The following GBF1 variants were observed in gnomAD, a reference collection of about 807,000 sequenced individuals.
GBF1 encodes the protein Golgi-specific brefeldin A-resistance guanine nucleotide exchange factor 1.
Under a neutral mutation model 210.5 loss-of-function variants are expected in GBF1, and 114 were observed. That is an observed-to-expected ratio of 0.54 (90% CI 0.47 to 0.63). The LOEUF (loss-of-function observed/expected upper bound fraction) is 0.63. GBF1 is among the 30% of genes least tolerant of loss of function. The pLI, the probability that GBF1 is intolerant of heterozygous loss-of-function variation, is 0.00. For missense variants in GBF1, 1,851 were observed against 2,357.7 expected, an observed-to-expected ratio of 0.79 and a Z score of 4.45; for synonymous variants, 850 against 889.2, an observed-to-expected ratio of 0.96 and a Z score of 0.78.
rs563248444 is a variant in GBF1 at position 102,367,695 on chromosome 10, C to A, written c.2642+135C>A. On this transcript the variant is annotated intron_variant, in intron 21 of 39. Coordinates refer to ENST00000369983, the MANE Select transcript of GBF1 (RefSeq NM_001377137.1). The stretch of plus-strand genomic sequence containing the variant: ...TTAGCCTCAGGACTTAGTTGGGCAG[C>A]CCCCTCTCTGCCAACTGTTTCTTCC... 2.9e-4 allele frequency: 194 copies of A among 665,088 alleles called. 1 individual carries two copies. Among genetic ancestry groups the A allele is most frequent in the Middle Eastern group, 7.0e-4 (2 of 2,862 alleles). The allele number at this position is 665,088 out of a possible 1,614,324, so 41.2% of individuals were successfully genotyped here.
the GBF1 span, chr10:102,230,968 G>A: frequency 1.9e-6 from 3 of 1,607,432 alleles, no homozygotes; most frequent in African/African-American, 1.3e-5. Context: ...GTTGCCGTAC[G>A]AGTAGCCGGG....
At chr10:102,323,075 C>T (rs1410981867) in intron 3 of GBF1, among the ~76,000 whole-genome samples, 1 of 151,966 alleles carries the variant, frequency 6.6e-6, no homozygotes. Flanking sequence ...CCTCTTCTCA[C>T]AGTCTCTCCT....
chr10:102,332,369 G>A (rs1474096635), intron 3 of GBF1, among the ~76,000 whole-genome samples: 2 of 150,120 alleles, frequency 1.3e-5, no homozygotes, highest in Non-Finnish European at 3.0e-5. Flanking sequence ...CAGACACAGA[G>A]GGTCAACTGT....
intron 3 of GBF1, among the ~76,000 whole-genome samples, chr10:102,289,652 C>A (rs1319704205): frequency 6.6e-6 from 1 of 152,214 alleles, no homozygotes; most frequent in Non-Finnish European, 1.5e-5. Context: ...TTGTCATTTA[C>A]TGGCGTAGTA....
chr10:102,329,895 G>A lies in GBF1; in HGVS notation c.164-14156G>A, dbSNP rs112033077. Among the ~76,000 whole-genome samples, 89 of 152,188 alleles carry A rather than the reference G, an allele frequency of 5.8e-4. 1 individual carries two copies. Among genetic ancestry groups the A allele is most frequent in the African/African-American group, 2.1e-3 (87 of 41,516 alleles). ...AGGCTGAGGCAGGAGGATCATTTAA[G>A]GCCAGGAGTTCAAGACCAGCCTGGG... On this transcript the variant is annotated intron_variant, in intron 3 of 39. Coordinates refer to ENST00000369983, the MANE Select transcript of GBF1 (RefSeq NM_001377137.1).
chr10:102,327,012 C>T (rs1383343769), intron 3 of GBF1, among the ~76,000 whole-genome samples: 1 of 152,266 alleles, frequency 6.6e-6, no homozygotes, highest in East Asian at 1.9e-4. Context: ...TGTTCACTTA[C>T]CTGCTTTAAA....
chr10:102,283,668 A>G (rs2075705038), intron 3 of GBF1, among the ~76,000 whole-genome samples: 1 of 152,226 alleles, frequency 6.6e-6, no homozygotes, highest in Non-Finnish European at 1.5e-5. Context: ...TATGAAAGAC[A>G]AAGTGACAAT....
At chr10:102,346,710 G>A (rs1589722585) in intron 4 of GBF1, among the ~76,000 whole-genome samples, 1 of 151,970 alleles carries the variant, frequency 6.6e-6, no homozygotes, top group South Asian at 2.1e-4. Context: ...GTTTCTCCAT[G>A]TTGCCCAGGC....
chr10:102,341,078 A>T (rs2058152211), intron 3 of GBF1, among the ~76,000 whole-genome samples: 1 of 152,224 alleles, frequency 6.6e-6, no homozygotes, highest in Non-Finnish European at 1.5e-5. Context: ...GAAGGACTTG[A>T]ATTCAGAATA....
At chr10:102,294,377 T>C (rs1379175470) in intron 3 of GBF1, among the ~76,000 whole-genome samples, 1 of 134,148 alleles carries the variant, frequency 7.5e-6, no homozygotes, top group Non-Finnish European at 1.7e-5. Context: ...TTTTCTTTTT[T>C]TTCTTTTTCT....
Position 102,359,308 on chromosome 10 carries a change from G to A in GBF1, c.1053G>A (p.Val351=), listed in dbSNP as rs1171873617. 3 of 1,612,206 alleles carry A rather than the reference G, an allele frequency of 1.9e-6. No individual in the cohort carries two copies. The highest frequency in any genetic ancestry group is 2.5e-6 in the Non-Finnish European group (3 of 1,178,246). Residue 351 remains valine (V), a synonymous_variant, in exon 11 of 40, where the codon GTG becomes GTA. Coordinates refer to ENST00000369983, the MANE Select transcript of GBF1 (RefSeq NM_001377137.1). The part of the protein sequence containing the change: ...THVEKSQSAS[V]ESIPEVLEEC... ...TGGAAAAGTCCCAGTCAGCATCTGT[G>A]GAGTCCATCCCTGAAGTGTTAGAGG...
intron 29 of GBF1, 29 bp downstream of exon 29, chr10:102,370,889 C>T (rs757263241): frequency 6.2e-7 from 1 of 1,608,004 alleles, no homozygotes; most frequent in Non-Finnish European, 8.5e-7. Flanking sequence ...GGAGAGTGGG[C>T]AGGTATGCAA....
chr10:102,353,882 A>G (rs966683560), intron 8 of GBF1, among the ~76,000 whole-genome samples: 1 of 152,160 alleles, frequency 6.6e-6, no homozygotes, highest in Non-Finnish European at 1.5e-5. Context: ...TAAGCTGGTG[A>G]GCCAGTTCTT....
At chr10:102,235,010 AT>A in the GBF1 span, among the ~76,000 whole-genome samples, 82 of 152,234 alleles carry the variant, frequency 5.4e-4, no homozygotes, top group African/African-American at 1.6e-3. Flanking sequence ...CTCAGACATA[AT>A]AAGCACTTGG....
At chr10:102,330,014 G>A (rs1031000110) in intron 3 of GBF1, among the ~76,000 whole-genome samples, 9 of 152,158 alleles carry the variant, frequency 5.9e-5, no homozygotes, top group African/African-American at 2.2e-4. Context: ...GGAGTTGGTA[G>A]TCTTAGCCAC....
intron 3 of GBF1, among the ~76,000 whole-genome samples, chr10:102,331,596 AAG>A (rs2057336180): frequency 1.3e-5 from 2 of 151,928 alleles, no homozygotes; most frequent in Admixed American, 1.3e-4. Context: ...CAGCCTGGGC[AAG>A]AGAGAGAGAA....
At chr10:102,253,870 T>C (rs2071959645) in intron 1 of GBF1, among the ~76,000 whole-genome samples, 1 of 152,214 alleles carries the variant, frequency 6.6e-6, no homozygotes, top group Non-Finnish European at 1.5e-5. Context: ...TATATCATTA[T>C]AATCTTATTT....
chr10:102,270,056 T>C (rs1442143199), intron 3 of GBF1, among the ~76,000 whole-genome samples: 3 of 151,926 alleles, frequency 2.0e-5, no homozygotes, highest in African/African-American at 4.8e-5. Context: ...TTTTTTGTAT[T>C]TTTAGTAGAG....
intron 3 of GBF1, among the ~76,000 whole-genome samples, chr10:102,322,303 T>C (rs1410135491): frequency 1.3e-5 from 2 of 152,350 alleles, no homozygotes; most frequent in East Asian, 3.9e-4. Context: ...ATGGAGAGAA[T>C]TGACATCTTT....
Sources: allele counts gnomAD v4.1 joint callset (sites outside exome capture counted in the v4.1 genomes callset), GRCh38; gene constraint gnomAD v4.1.1; transcripts MANE v1.5; gene names NCBI Gene and HGNC (gene_info 2026-07-23, HGNC 2026-07-21).